The following CLIC4 variants were observed in gnomAD, a reference collection of about 807,000 sequenced individuals.
CLIC4 encodes the protein chloride intracellular channel protein 4.
A neutral mutation model predicts 24.6 loss-of-function variants in CLIC4; 13 were observed. That is an observed-to-expected ratio of 0.53 (90% confidence interval 0.34 to 0.84). The LOEUF (loss-of-function observed/expected upper bound fraction) is 0.84. Ranked by LOEUF, CLIC4 falls within the 40% of genes least tolerant of loss-of-function variation. The pLI, the probability that CLIC4 is intolerant of heterozygous loss-of-function variation, is 0.01. For missense variants in CLIC4, 227 were observed against 301.7 expected (o/e 0.75, Z 1.83); for synonymous variants, 104 against 111.3 (o/e 0.93, Z 0.41).
chr1:24,811,950 T>G (rs766340425), intron 2 of CLIC4, among the ~76,000 whole-genome samples: 7 of 152,358 alleles, frequency 4.6e-5, no homozygotes, highest in African/African-American at 1.4e-4. Context: ...CACTTCTTGC[T>G]GTTAGTAGTT....
chr1:24,817,863 T>C (rs1217143204), intron 3 of CLIC4, among the ~76,000 whole-genome samples: 1 of 152,100 alleles, frequency 6.6e-6, no homozygotes, highest in African/African-American at 2.4e-5. Context: ...ATTTCAACAT[T>C]ATTTTGTCTC....
At chr1:24,766,503 TTTTTTTTTTTTTTTTTTTG>T (rs1639000246) in intron 1 of CLIC4, among the ~76,000 whole-genome samples, 2 of 84,986 alleles carry the variant, frequency 2.4e-5, no homozygotes, top group African/African-American at 9.4e-5. Flanking sequence ...TTTTTTTTTT[TTTTTTTTTTTTTTTTTTTG>T]AGACGGGGTC....
intron 2 of CLIC4, among the ~76,000 whole-genome samples, chr1:24,802,106 A>C (rs937768661): frequency 6.6e-6 from 1 of 152,186 alleles, no homozygotes; most frequent in Non-Finnish European, 1.5e-5. Flanking sequence ...GCTTGGAGCA[A>C]GTGAGTTGAC....
At chr1:24,807,643 G>A (rs1035547402) in intron 2 of CLIC4, among the ~76,000 whole-genome samples, 2 of 152,154 alleles carry the variant, frequency 1.3e-5, no homozygotes, top group African/African-American at 4.8e-5. Flanking sequence ...GCAGGTAATC[G>A]AAAATGGTCA....
At chr1:24,788,999 C>T (rs1367801774) in intron 1 of CLIC4, among the ~76,000 whole-genome samples, 1 of 152,222 alleles carries the variant, frequency 6.6e-6, no homozygotes, top group East Asian at 1.9e-4. Context: ...GACTTCCATC[C>T]TCTGTTGGTG....
At chr1:24,782,369 G>A (rs1430589751) in intron 1 of CLIC4, among the ~76,000 whole-genome samples, 7 of 152,098 alleles carry the variant, frequency 4.6e-5, no homozygotes, top group African/African-American at 7.2e-5. Flanking sequence ...TGTACTTTTA[G>A]GGTATTCTGA....
At chr1:24,809,899 G>A (rs1639594617) in intron 2 of CLIC4, among the ~76,000 whole-genome samples, 3 of 152,282 alleles carry the variant, frequency 2.0e-5, no homozygotes, top group East Asian at 3.9e-4. Flanking sequence ...GAAACTATAT[G>A]TTGTTGTATT....
At chr1:24,769,966 C>T (rs1276838337) in intron 1 of CLIC4, among the ~76,000 whole-genome samples, 1 of 151,954 alleles carries the variant, frequency 6.6e-6, no homozygotes, top group Non-Finnish European at 1.5e-5. Context: ...AAGTGATCCT[C>T]CTCCTTTAGC....
chr1:24,752,996 C>T (rs1465408770), intron 1 of CLIC4, among the ~76,000 whole-genome samples: 1 of 152,228 alleles, frequency 6.6e-6, no homozygotes, highest in Non-Finnish European at 1.5e-5. Context: ...GCTGGGATTA[C>T]AGGCGTGAGC....
At chr1:24,816,104 C>A (rs1479454365) in intron 3 of CLIC4, among the ~76,000 whole-genome samples, 1 of 152,138 alleles carries the variant, frequency 6.6e-6, no homozygotes, top group African/African-American at 2.4e-5. Context: ...ATTTTCAACA[C>A]ATATGTAGTT....
intron 1 of CLIC4, among the ~76,000 whole-genome samples, chr1:24,753,630 G>C (rs1557793448): frequency 6.6e-6 from 1 of 152,224 alleles, no homozygotes; most frequent in Non-Finnish European, 1.5e-5. Flanking sequence ...CAGATCTATA[G>C]TGCCAGGGAG....
chr1:24,804,151 C>T (rs1193053941), intron 2 of CLIC4, among the ~76,000 whole-genome samples: 1 of 151,904 alleles, frequency 6.6e-6, no homozygotes, highest in Non-Finnish European at 1.5e-5. Flanking sequence ...ATGACACATG[C>T]CAAGAGACTA....
At chr1:24,767,729 C>T (rs1274108505) in intron 1 of CLIC4, among the ~76,000 whole-genome samples, 1 of 151,776 alleles carries the variant, frequency 6.6e-6, no homozygotes, top group Admixed American at 6.6e-5. Context: ...TTTTTTTCCT[C>T]TCTCTCTTTT....
intron 4 of CLIC4, among the ~76,000 whole-genome samples, chr1:24,830,357 T>C (rs1639827770): frequency 6.6e-6 from 1 of 152,152 alleles, no homozygotes; most frequent in African/African-American, 2.4e-5. Context: ...TATCAAAATA[T>C]AGATCTACCT....
intron 2 of CLIC4, among the ~76,000 whole-genome samples, chr1:24,800,405 C>T (rs557934261): frequency 9.8e-4 from 147 of 149,352 alleles, no homozygotes; most frequent in Middle Eastern, 3.5e-3. Context: ...GGGGGTCAGC[C>T]CCCAGCCTGG....
intron 1 of CLIC4, among the ~76,000 whole-genome samples, chr1:24,781,540 G>A (rs529975465): frequency 1.1e-4 from 16 of 152,096 alleles, no homozygotes; most frequent in Non-Finnish European, 1.6e-4. Context: ...GTCACATAAG[G>A]GTCCAGATTT....
intron 2 of CLIC4, among the ~76,000 whole-genome samples, chr1:24,801,949 T>C (rs1021621360): frequency 1.3e-5 from 2 of 152,138 alleles, no homozygotes; most frequent in Non-Finnish European, 2.9e-5. Flanking sequence ...AAATAAGTCA[T>C]GTAGTTACCC....
chr1:24,788,013 G>A (rs1269095194), intron 1 of CLIC4, among the ~76,000 whole-genome samples: 4 of 151,680 alleles, frequency 2.6e-5, no homozygotes, highest in African/African-American at 4.8e-5. Flanking sequence ...GTACCAGCAC[G>A]CCCAGCTAAT....
chr1:24,801,964 A>G (rs910650413), intron 2 of CLIC4, among the ~76,000 whole-genome samples: 1 of 151,884 alleles, frequency 6.6e-6, no homozygotes, highest in Non-Finnish European at 1.5e-5. Flanking sequence ...TTACCCTTCT[A>G]TTACTGTTTT....
Sources: gnomAD v4.1 joint callset for allele counts (sites outside exome capture counted in the v4.1 genomes callset) on GRCh38, gnomAD v4.1.1 for gene constraint, MANE v1.5 for transcripts, NCBI Gene and HGNC (gene_info 2026-07-23, HGNC 2026-07-21) for gene names.